ABCB6: variants seen among roughly 807,000 people sequenced by gnomAD.
ABCB6 encodes the protein ATP binding cassette subfamily B member 6 (LAN blood group).
A neutral mutation model predicts 99.4 loss-of-function variants in ABCB6; 87 were observed. That is an observed-to-expected ratio of 0.88 (90% CI 0.74 to 1.05). The LOEUF is 1.05. Among genes scored for constraint, ABCB6 ranks in the 50% least tolerant of loss-of-function variants. ABCB6 has a pLI of 0.00. For synonymous variants in ABCB6, 482 were observed against 447.5 expected (o/e 1.08, Z -0.97); for missense variants, 1,050 against 1,097.9 (o/e 0.96, Z 0.62).
chr2:219,213,312 A>T lies in ABCB6; in HGVS notation c.1734T>A (p.Pro578=). Residue 578 remains proline (P), a synonymous_variant, in exon 12 of 19, where the codon CCT becomes CCA. Transcript: ENST00000265316. ...LKEETEVKDL[P]GAGPLRFQKG... is the part of the protein sequence containing the mutation. ...TCTGAAAGCGAAGGGGCCCTGCTCC[A>T]GGAAGGTCCTTCACCTGGAAGGGCA... 1 of 1,614,130 alleles carries T rather than the reference A, an allele frequency of 6.2e-7. No individual in the cohort carries two copies. Among genetic ancestry groups the T allele is most frequent in the South Asian group, 1.1e-5 (1 of 91,086 alleles).
At chr2:219,210,588 A>T in intron 16 of ABCB6, 113 bp from the exon 17 acceptor site, 1 of 1,588,892 alleles carries the variant, frequency 6.3e-7, no homozygotes, top group Non-Finnish European at 8.6e-7. Flanking sequence ...TGGGCTTGAG[A>T]ACTGGAAAGT....
rs1233089433 is a variant in ABCB6 at position 219,215,097 on chromosome 2, C to T, written c.1155-15G>A. On this transcript the variant is annotated splice_polypyrimidine_tract_variant and intron_variant, in intron 5 of 18. Coordinates refer to ENST00000265316, the MANE Select transcript of ABCB6 (RefSeq NM_005689.4). ...ACACCAGGTAGCTAGGAGGGCAGGT[C>T]AAGTGAATAAGAAAGGTCTGGGGGC... 2.5e-6 allele frequency: 4 copies of T among 1,613,908 alleles called. No homozygotes were observed. In the African/African-American group the frequency reaches 5.3e-5, roughly 22 times the overall value.
intron 16 of ABCB6, 105 bp from the exon 17 acceptor site, chr2:219,210,580 G>T: frequency 6.3e-7 from 1 of 1,586,478 alleles, no homozygotes; most frequent in Non-Finnish European, 8.6e-7. Context: ...GCCTTGTTTG[G>T]GCTTGAGAAC....
chr2:219,218,239 C>T lies in ABCB6; in HGVS notation c.435G>A (p.Arg145=), dbSNP rs201177946. 1.2e-6 allele frequency: 2 copies of T among 1,613,714 alleles called. No individual in the cohort carries two copies. The highest frequency in any genetic ancestry group is 2.7e-5 in the African/African-American group (2 of 75,074). Residue 145 remains arginine (R), a synonymous_variant, in exon 1 of 19, where the codon AGG becomes AGA. Coordinates refer to ENST00000265316, the MANE Select transcript of ABCB6 (RefSeq NM_005689.4). ...AGAGGAGCAGGAGACCAGGGCTGTG[C>T]CTGAACTTGATCCAGATGCCCATTG... is the stretch of plus-strand genomic sequence containing the variant. ...RLAMGIWIKF[R]HSPGLLLLWT... is the part of the protein sequence containing the mutation.
chr2:219,211,621 CTTTTTTTTTTT>C (rs34408255), intron 14 of ABCB6, among the ~76,000 whole-genome samples: 5 of 87,846 alleles, frequency 5.7e-5, no homozygotes, highest in East Asian at 3.4e-4. Context: ...ATCGTTGTAC[CTTTTTTTTTTT>C]TTTTTTTTTG....
At position 219,210,373 on chromosome 2, in the gene ABCB6, T is replaced by A; in HGVS notation, c.2351+8A>T. On this transcript the variant is annotated splice_region_variant and intron_variant, in intron 17 of 18. Coordinates refer to ENST00000265316, the MANE Select transcript of ABCB6 (RefSeq NM_005689.4). ...ATCACCAGCCGCCCCAGGCCTGTAGTCCTGTACCTGTGTGCCACTACGATG... is the reference window on the plus strand; with the variant it reads ...ATCACCAGCCGCCCCAGGCCTGTAGACCTGTACCTGTGTGCCACTACGATG... 6.2e-7 allele frequency: 1 copy of A among 1,614,224 alleles called. No individual in the cohort carries two copies. Among genetic ancestry groups the A allele is most frequent in the Non-Finnish European group, 8.5e-7 (1 of 1,180,036 alleles).
In ABCB6 at chr2:219,213,521, T is replaced by G. The variant is rs375971190; in HGVS notation, c.1656-19A>C. The G allele has an allele frequency of 1.9e-6, 3 of 1,614,092 alleles. No individual in the cohort carries two copies. The African/African-American group carries it at 4.0e-5, about 22-fold the overall frequency. ...GATCATCCTGCAAAAAGGTGCTGGT[T>G]AGGACTTCTCTGAGTAGCCAGGAAA... On this transcript the variant is annotated intron_variant, in intron 10 of 18. Transcript: ENST00000265316.
rs754021088 is a variant in ABCB6, at chr2:219,218,373, C to T, written c.301G>A (p.Ala101Thr). The T allele has an allele frequency of 1.8e-5, 29 of 1,612,538 alleles. No homozygotes were observed. The highest frequency in any genetic ancestry group is 2.7e-5 in the African/African-American group (2 of 74,932). The change falls in exon 1 of 19, where the codon GCC (alanine) becomes ACC (threonine). Residue 101 changes from alanine to threonine, a missense_variant. Physicochemically the swap from Ala to Thr is moderately conservative, Grantham distance 58. Coordinates refer to ENST00000265316, the MANE Select transcript of ABCB6 (RefSeq NM_005689.4). The part of the protein sequence containing the change: ...LAGRVGTARG[A>T]PLPSYLLLAS... Reference sequence around the variant, plus strand: ...AGAAGTAGATAGCTTGGCAGTGGGGCCCCCCGGGCAGTGCCCACCCGGCCA... The same window carrying T: ...AGAAGTAGATAGCTTGGCAGTGGGGTCCCCCGGGCAGTGCCCACCCGGCCA...
rs1356396488 is a variant in ABCB6, at chr2:219,214,595, T to C, written c.1277-97A>G. 3.7e-5 allele frequency: 34 copies of C among 919,304 alleles called. No individual in the cohort carries two copies. The East Asian group carries it at 8.1e-4, about 22-fold the overall frequency. 56.9% of individuals were successfully genotyped at this position (919,304 alleles called of 1,614,324 possible). A position where few individuals can be genotyped will look rare whatever the true frequency, so the allele number is the denominator to read the frequency against. ...CTACCTGCCATGTACACACTAAGCC[T>C]ATGCTCAAGCCCGGACACCCAGATT... On this transcript the variant is annotated intron_variant, in intron 6 of 18. Coordinates refer to ENST00000265316, the MANE Select transcript of ABCB6 (RefSeq NM_005689.4).
rs1342694626 is a variant in ABCB6 at position 219,214,956 on chromosome 2, C to G, written c.1276+5G>C. On this transcript the variant is annotated splice_donor_5th_base_variant and intron_variant, in intron 6 of 18. Transcript: ENST00000265316. The stretch of plus-strand genomic sequence containing the variant: ...AGGGAGACGGTGTCTCCCAGCAGCA[C>G]TCACTGAGGTAAAGACTCATGCACA... 2 of 1,614,064 alleles carry G rather than the reference C, an allele frequency of 1.2e-6. No individual in the cohort carries two copies. Among genetic ancestry groups the G allele is most frequent in the South Asian group, 2.2e-5 (2 of 91,086 alleles).
rs377028407 is a variant in ABCB6, at chr2:219,213,870, C to T, written c.1534G>A (p.Gly512Ser). Reference sequence around the variant, plus strand: ...ACAAAGTATGCGCAAAGCAGGGAGCCGGCGAGGAGCCCGAGCCCAATCACC... The same window carrying T: ...ACAAAGTATGCGCAAAGCAGGGAGCTGGCGAGGAGCCCGAGCCCAATCACC... Reference protein sequence around the residue: ...NLVIGLGLLAGSLLCAYFVTE... With the variant: ...NLVIGLGLLASSLLCAYFVTE... The change falls in exon 9 of 19, where the codon GGC becomes AGC. Residue 512 changes from glycine (G) to serine (S), a missense_variant. Physicochemically the swap from Gly to Ser is moderately conservative, Grantham distance 56. Transcript: ENST00000265316. The T allele has an allele frequency of 1.8e-5, 29 of 1,614,018 alleles. No homozygotes were observed. The highest frequency in any genetic ancestry group is 1.2e-4 in the African/African-American group (9 of 74,918).
At chr2:219,212,709 A>C (rs182233962) in intron 13 of ABCB6, among the ~76,000 whole-genome samples, 2 of 152,178 alleles carry the variant, frequency 1.3e-5, no homozygotes, top group Admixed American at 6.5e-5. Context: ...TTTAGTAGAG[A>C]TAGGGTTTCA....
rs749015050 is a variant in ABCB6, at chr2:219,211,068, G to A, written c.2009C>T (p.Pro670Leu). The part of the protein sequence containing the change: ...ASLRSHIGVV[P>L]QDTVLFNDTI... Reference sequence around the variant, plus strand: ...GTCATTAAAGAGGACAGTGTCTTGGGGCACAACTCCAATGTGAGACCGGAG... The same window carrying A: ...GTCATTAAAGAGGACAGTGTCTTGGAGCACAACTCCAATGTGAGACCGGAG... Residue 670 changes from proline to leucine, a missense_variant, in exon 15 of 19, where the codon CCC becomes CTC. By Grantham distance (98) the Pro-to-Leu change is moderately conservative. Transcript: ENST00000265316. 1 of 1,614,016 alleles carries A rather than the reference G, an allele frequency of 6.2e-7. No homozygotes were observed. The highest frequency in any genetic ancestry group is 1.3e-5 in the African/African-American group (1 of 74,904).
intron 5 of ABCB6, chr2:219,215,672 C>G (rs1950630017): frequency 5.0e-6 from 1 of 201,744 alleles, no homozygotes; most frequent in African/African-American, 2.3e-5. Flanking sequence ...ACCCGGGAGG[C>G]AGAGGTTGCA....
At chr2:219,214,063 T>C in intron 8 of ABCB6, 58 bp downstream of exon 8, 2 of 1,613,204 alleles carry the variant, frequency 1.2e-6, no homozygotes, top group East Asian at 2.2e-5. Flanking sequence ...CTCTTGGCCC[T>C]GAAAATTCTA....
At position 219,218,379 on chromosome 2, in the gene ABCB6, G is replaced by T. The variant is rs779120164; in HGVS notation, c.295C>A (p.Arg99=). The change falls in exon 1 of 19, where the codon CGG becomes AGG. Residue 99 remains arginine (R), a synonymous_variant. Coordinates refer to ENST00000265316, the MANE Select transcript of ABCB6 (RefSeq NM_005689.4). ...AGATAGCTTGGCAGTGGGGCCCCCC[G>T]GGCAGTGCCCACCCGGCCAGCCAGG... The part of the protein sequence containing the change: ...AGLAGRVGTA[R]GAPLPSYLLL... The T allele has an allele frequency of 6.2e-7, 1 of 1,612,536 alleles. No individual in the cohort carries two copies. The highest frequency in any genetic ancestry group is 1.3e-5 in the African/African-American group (1 of 74,940).
Position 219,218,589 on chromosome 2 carries a change from A to G in ABCB6, c.85T>C (p.Phe29Leu). ...ATCCGCGTCGAGGGCACGAGCGTGAAGAAGAAGCAGGGACTCAGGCCATCC... is the reference window on the plus strand; with the variant it reads ...ATCCGCGTCGAGGGCACGAGCGTGAGGAAGAAGCAGGGACTCAGGCCATCC... ...MQDGLSPCFFFTLVPSTRMAL... is the reference protein window; with the variant it reads ...MQDGLSPCFFLTLVPSTRMAL... Residue 29 changes from phenylalanine to leucine, a missense_variant, in exon 1 of 19, where the codon TTC (phenylalanine) becomes CTC (leucine). Phe to Leu is a conservative substitution (Grantham distance 22). Transcript: ENST00000265316. The G allele has an allele frequency of 6.2e-7, 1 of 1,611,846 alleles. No homozygotes were observed. Among genetic ancestry groups the G allele is most frequent in the South Asian group, 1.1e-5 (1 of 91,014 alleles).
chr2:219,217,350 TAAAAAC>T (rs1472098303), intron 2 of ABCB6, among the ~76,000 whole-genome samples: 1 of 130,564 alleles, frequency 7.7e-6, no homozygotes, highest in East Asian at 2.3e-4. Context: ...GATTCCGTCT[TAAAAAC>T]AAAAAGAGGC....
rs141131080 is a variant in ABCB6 at position 219,218,204 on chromosome 2, G to A, written c.470C>T (p.Ala157Val). The change falls in exon 1 of 19, where the codon GCG (alanine) becomes GTG (valine). Residue 157 changes from alanine (A) to valine (V), a missense_variant. Transcript: ENST00000265316. Reference sequence around the variant, plus strand: ...CAGGGCCAAGTTCTCAGCTGCAAACGCCACAGTCCAGAGGAGCAGGAGACC... The same window carrying A: ...CAGGGCCAAGTTCTCAGCTGCAAACACCACAGTCCAGAGGAGCAGGAGACC... ...SPGLLLLWTV[A>V]FAAENLALVS... is the part of the protein sequence containing the mutation. 1 of 1,613,794 alleles carries A rather than the reference G, an allele frequency of 6.2e-7. No individual in the cohort carries two copies. Among genetic ancestry groups the A allele is most frequent in the Non-Finnish European group, 8.5e-7 (1 of 1,179,994 alleles).
Sources: gnomAD v4.1 joint callset for allele counts (sites outside exome capture counted in the v4.1 genomes callset) on GRCh38, gnomAD v4.1.1 for gene constraint, MANE v1.5 for transcripts, NCBI Gene and HGNC (gene_info 2026-07-23, HGNC 2026-07-21) for gene names.